The following EHD4 variants were observed in gnomAD, a reference collection of about 807,000 sequenced individuals.
The protein encoded by EHD4 is EH domain containing 4.
A neutral mutation model predicts 51.0 loss-of-function variants in EHD4; 37 were observed. The observed-to-expected ratio is 0.73, with a 90% CI of 0.56 to 0.95. The LOEUF (loss-of-function observed/expected upper bound fraction) is 0.95. Among genes scored for constraint, EHD4 ranks in the 40% least tolerant of loss-of-function variants. EHD4 has a pLI of 0.00. For missense variants in EHD4, 632 were observed against 733.1 expected (o/e 0.86, Z 1.59); for synonymous variants, 297 against 317.3 (o/e 0.94, Z 0.68).
At chr15:41,902,175 A>G (rs929465573) in intron 5 of EHD4, among the ~76,000 whole-genome samples, 6 of 152,110 alleles carry the variant, frequency 3.9e-5, no homozygotes. Flanking sequence ...AGACTACAGG[A>G]TGCCACAGAG....
At chr15:41,941,526 T>C (rs1353070079) in intron 3 of EHD4, 1 of 152,060 alleles carries the variant, frequency 6.6e-6, no homozygotes, top group Non-Finnish European at 1.5e-5. Context: ...TATACTTTTA[T>C]AATAGAAAAT....
chr15:41,901,724 G>A lies in EHD4; in HGVS notation c.1090-543C>T, dbSNP rs147145015. ...ACAACTAATTAAATACCTTGTTTTCGGAACACGTAAAAAAATGTAGTGTAG... is the reference window on the plus strand; with the variant it reads ...ACAACTAATTAAATACCTTGTTTTCAGAACACGTAAAAAAATGTAGTGTAG... On this transcript the variant is annotated intron_variant, in intron 5 of 5. Transcript: ENST00000220325. 6.4e-3 allele frequency among the ~76,000 whole-genome samples: 981 copies of A among 152,184 alleles called. 12 individuals carry two copies. The highest frequency in any genetic ancestry group is 0.023 in the African/African-American group (942 of 41,524).
intron 1 of EHD4, among the ~76,000 whole-genome samples, chr15:41,963,155 C>T (rs977223742): frequency 1.3e-4 from 20 of 152,258 alleles, no homozygotes; most frequent in African/African-American, 4.1e-4. Flanking sequence ...ACAAACACTG[C>T]GGAAGGCCGC....
chr15:41,931,453 C>T (rs970514597), intron 3 of EHD4, among the ~76,000 whole-genome samples: 1 of 152,144 alleles, frequency 6.6e-6, no homozygotes, highest in Non-Finnish European at 1.5e-5. Context: ...GTCAAGGCTG[C>T]AGTGAGCTGT....
At chr15:41,951,021 C>T (rs1203568226) in intron 2 of EHD4, among the ~76,000 whole-genome samples, 2 of 152,190 alleles carry the variant, frequency 1.3e-5, no homozygotes, top group Non-Finnish European at 2.9e-5. Flanking sequence ...AACCCTAACC[C>T]TAACCCTAAC....
chr15:41,950,035 C>G (rs1309169554), intron 2 of EHD4, among the ~76,000 whole-genome samples: 1 of 152,234 alleles, frequency 6.6e-6, no homozygotes, highest in African/African-American at 2.4e-5. Flanking sequence ...TCGTCGTGAG[C>G]ACAGCAGTCT....
intron 1 of EHD4, among the ~76,000 whole-genome samples, chr15:41,962,675 G>A (rs1048504334): frequency 4.6e-5 from 7 of 151,886 alleles, no homozygotes; most frequent in Non-Finnish European, 1.0e-4. Context: ...GGAGGGAGGC[G>A]GGGGGCAGCC....
intron 5 of EHD4, among the ~76,000 whole-genome samples, chr15:41,906,742 C>T (rs2067514717): frequency 6.6e-6 from 1 of 152,246 alleles, no homozygotes; most frequent in African/African-American, 2.4e-5. Flanking sequence ...GCATCCCTGC[C>T]TGGGCACTGC....
At chr15:41,920,738 G>A (rs2067619332) in intron 3 of EHD4, among the ~76,000 whole-genome samples, 1 of 152,094 alleles carries the variant, frequency 6.6e-6, no homozygotes, top group Non-Finnish European at 1.5e-5. Flanking sequence ...GTGGTGAGAA[G>A]GAACTAGATC....
At chr15:41,968,020 G>C (rs971798776) in intron 1 of EHD4, among the ~76,000 whole-genome samples, 3 of 152,164 alleles carry the variant, frequency 2.0e-5, no homozygotes, top group Non-Finnish European at 2.9e-5. Flanking sequence ...TTTTCTTTGA[G>C]GAAAAGGAGG....
intron 3 of EHD4, among the ~76,000 whole-genome samples, chr15:41,920,675 C>G (rs2067618839): frequency 1.3e-5 from 2 of 152,226 alleles, no homozygotes; most frequent in South Asian, 4.1e-4. Flanking sequence ...TTTGCTATTT[C>G]AGATATGTTT....
chr15:41,963,216 C>A (rs1270798012), intron 1 of EHD4, among the ~76,000 whole-genome samples: 2 of 151,732 alleles, frequency 1.3e-5, no homozygotes, highest in Non-Finnish European at 2.9e-5. Context: ...TGTTTATCTG[C>A]TGACCTTCCC....
At chr15:41,942,963 G>T in intron 3 of EHD4, 104 bp downstream of exon 3, 8 of 1,152,232 alleles carry the variant, frequency 6.9e-6, no homozygotes, top group Non-Finnish European at 1.0e-5. Context: ...CCCAACAGCT[G>T]TCCTGGAGGA....
chr15:41,918,963 T>C (rs554045860), intron 4 of EHD4, among the ~76,000 whole-genome samples: 3 of 152,316 alleles, frequency 2.0e-5, no homozygotes, highest in South Asian at 4.1e-4. Context: ...CCCCAAGTTC[T>C]TGTGAAGTGC....
At chr15:41,968,440 C>T (rs910689864) in intron 1 of EHD4, among the ~76,000 whole-genome samples, 1 of 148,926 alleles carries the variant, frequency 6.7e-6, no homozygotes, top group Non-Finnish European at 1.5e-5. Context: ...TCCCTTTTCC[C>T]TCATCTTTAC....
chr15:41,959,965 A>C (rs1447268576), intron 1 of EHD4, among the ~76,000 whole-genome samples: 1 of 151,650 alleles, frequency 6.6e-6, no homozygotes, highest in Admixed American at 6.6e-5. Flanking sequence ...CCACCTCAAA[A>C]AAAAAAAAAA....
intron 4 of EHD4, among the ~76,000 whole-genome samples, chr15:41,917,194 C>A (rs867488165): frequency 7.9e-5 from 12 of 152,058 alleles, no homozygotes; most frequent in Non-Finnish European, 1.2e-4. Context: ...GATCTTGGCT[C>A]ACTGCAACCT....
intron 1 of EHD4, 27 bp downstream of exon 1, chr15:41,972,232 G>A: frequency 1.3e-6 from 2 of 1,514,808 alleles, no homozygotes; most frequent in African/African-American, 1.4e-5. Flanking sequence ...AGCGGGGCGG[G>A]AGCCGGGCGA....
chr15:41,959,668 GT>G (rs2067912340), intron 1 of EHD4, among the ~76,000 whole-genome samples: 1 of 151,950 alleles, frequency 6.6e-6, no homozygotes, highest in South Asian at 2.1e-4. Context: ...CTGGAAAGAT[GT>G]TTTAAGAGCA....
Sources: allele counts gnomAD v4.1 joint callset (sites outside exome capture counted in the v4.1 genomes callset), GRCh38; gene constraint gnomAD v4.1.1; transcripts MANE v1.5; gene names NCBI Gene and HGNC (gene_info 2026-07-23, HGNC 2026-07-21).